Variants in PTH1R observed in about 807,000 individuals in gnomAD.
PTH1R encodes the protein parathyroid hormone/parathyroid hormone-related peptide receptor.
In PTH1R, 32 loss-of-function variants were observed where a neutral mutation model predicts 70.7. The observed-to-expected ratio is 0.45, with a 90% CI of 0.34 to 0.61. PTH1R has a LOEUF of 0.61. Ranked by LOEUF, PTH1R falls within the 20% of genes least tolerant of loss-of-function variation. The pLI, the probability that PTH1R is intolerant of heterozygous loss-of-function variation, is 0.01. For synonymous variants in PTH1R, 329 were observed against 324.8 expected (o/e 1.01, Z -0.14); for missense variants, 626 against 792.5 (o/e 0.79, Z 2.52).
In PTH1R at chr3:46,903,209, G is replaced by C; in HGVS notation, c.1396-61G>C. The C allele has an allele frequency of 6.2e-7, 1 of 1,602,672 alleles. No homozygotes were observed. Among genetic ancestry groups the C allele is most frequent in the Non-Finnish European group, 8.5e-7 (1 of 1,176,252 alleles). On this transcript the variant is annotated intron_variant, in intron 15 of 15. Coordinates refer to ENST00000449590, the MANE Select transcript of PTH1R (RefSeq NM_000316.3). This position sits in a 1 kb window ranked among gnomAD's most constrained non-coding sequence, Gnocchi z 4.4. The stretch of plus-strand genomic sequence containing the variant: ...ATTCCGTGCTGGGTGTCCAGGGGCC[G>C]GGATGGGGCATCGCTGGGGTTGGGA...
chr3:46,889,991 C>G (rs896076301), intron 3 of PTH1R, among the ~76,000 whole-genome samples: 7 of 152,136 alleles, frequency 4.6e-5, no homozygotes, highest in Non-Finnish European at 1.0e-4. Flanking sequence ...AGAAGAGATA[C>G]AGCTGTCAGC....
In PTH1R at chr3:46,903,195, G is replaced by C. The variant is rs2107067034; in HGVS notation, c.1396-75G>C. On this transcript the variant is annotated intron_variant, in intron 15 of 15. Transcript: ENST00000449590. This position sits in a 1 kb window ranked among gnomAD's most constrained non-coding sequence, Gnocchi z 4.4. ...CTATTCCCATTTTCATTCCGTGCTG[G>C]GTGTCCAGGGGCCGGGATGGGGCAT... 1 of 1,589,632 alleles carries C rather than the reference G, an allele frequency of 6.3e-7. No homozygotes were observed. The highest frequency in any genetic ancestry group is 1.3e-5 in the African/African-American group (1 of 74,250).
chr3:46,894,896 TA>T (rs1000733669), intron 4 of PTH1R, among the ~76,000 whole-genome samples: 37 of 148,530 alleles, frequency 2.5e-4, no homozygotes, highest in African/African-American at 6.9e-4. Context: ...ACCCCATCTC[TA>T]AAAAAAAAAT....
chr3:46,894,200 A>G (rs994633609), intron 4 of PTH1R, among the ~76,000 whole-genome samples, 191 bp downstream of exon 4: 3 of 152,110 alleles, frequency 2.0e-5, no homozygotes, highest in African/African-American at 7.2e-5. Context: ...TCGGGCATCC[A>G]TGGCTTGTCC....
rs899402687 is a variant in PTH1R at position 46,903,098 on chromosome 3, C to T, written c.1396-172C>T. 19 of 1,288,448 alleles carry T rather than the reference C, an allele frequency of 1.5e-5. No homozygotes were observed. Among genetic ancestry groups the T allele is most frequent in the Admixed American group, 6.0e-5 (3 of 50,222 alleles). 79.8% of individuals were successfully genotyped at this position (1,288,448 alleles called of 1,614,324 possible). ...TGAGCCTTGTAGATTCTGGGTGTGT[C>T]GGCTGCCTGTAGCCAAACACCCTGT... On this transcript the variant is annotated intron_variant, in intron 15 of 15. Transcript: ENST00000449590. This position sits in a 1 kb window ranked among gnomAD's most constrained non-coding sequence, Gnocchi z 4.4.
rs996851435 is a variant in PTH1R, at chr3:46,884,629, G to A, written c.75+995G>A. Among the ~76,000 whole-genome samples the A allele has an allele frequency of 1.3e-5, 2 of 152,154 alleles. No homozygotes were observed. The highest frequency in any genetic ancestry group is 2.9e-5 in the Non-Finnish European group (2 of 68,018). ...CCTAACTTCAAAGCCTCTTCTCCCT[G>A]CTCCCCAGTGGGGGTATCTGCCTGC... is the stretch of plus-strand genomic sequence containing the variant. On this transcript the variant is annotated intron_variant, in intron 3 of 15. Coordinates refer to ENST00000449590, the MANE Select transcript of PTH1R (RefSeq NM_000316.3). This position sits in a 1 kb window ranked among gnomAD's most constrained non-coding sequence, Gnocchi z 4.8.
chr3:46,880,005 C>T (rs1029242327), intron 1 of PTH1R, among the ~76,000 whole-genome samples: 4 of 152,152 alleles, frequency 2.6e-5, no homozygotes, highest in African/African-American at 9.7e-5. Flanking sequence ...CACCACTGCA[C>T]TCCAGCCTGG....
At position 46,883,089 on chromosome 3, in the gene PTH1R, C is replaced by A. The variant is rs1251115038; in HGVS notation, c.-48-423C>A. 9.4e-4 allele frequency among the ~76,000 whole-genome samples: 143 copies of A among 151,736 alleles called. No homozygotes were observed. The highest frequency in any genetic ancestry group is 2.4e-3 in the Admixed American group (36 of 15,280). ...GACCGCGACCCCGACCCCTCCCCCG[C>A]CCCCTCCCCCCACTGGGCGTGGGGC... is the stretch of plus-strand genomic sequence containing the variant. On this transcript the variant is annotated intron_variant, in intron 2 of 15. Coordinates refer to ENST00000449590, the MANE Select transcript of PTH1R (RefSeq NM_000316.3). The surrounding 1 kb of genome is among the most constrained non-coding windows in gnomAD (Gnocchi z 6.4).
intron 3 of PTH1R, among the ~76,000 whole-genome samples, chr3:46,887,134 G>A: frequency 6.6e-6 from 1 of 151,908 alleles, no homozygotes; most frequent in Non-Finnish European, 1.5e-5. Context: ...CAGCTTATTG[G>A]AAGGCTGAGG....
chr3:46,892,057 G>A lies in PTH1R; in HGVS notation c.76-1850G>A, dbSNP rs369611261. On this transcript the variant is annotated intron_variant, in intron 3 of 15. Coordinates refer to ENST00000449590, the MANE Select transcript of PTH1R (RefSeq NM_000316.3). This position sits in a 1 kb window ranked among gnomAD's most constrained non-coding sequence, Gnocchi z 5.2. ...CCCTGGATCCTGGCAAGTCCAACTT[G>A]TCCTCCCTTAAGCCATCCCATCATT... is the stretch of plus-strand genomic sequence containing the variant. Among the ~76,000 whole-genome samples the A allele has an allele frequency of 6.6e-5, 10 of 152,202 alleles. No homozygotes were observed. Among genetic ancestry groups the A allele is most frequent in the African/African-American group, 2.2e-4 (9 of 41,522 alleles).
At position 46,881,112 on chromosome 3, in the gene PTH1R, A is replaced by C. The variant is rs1306951740; in HGVS notation, c.-55A>C. The C allele has an allele frequency of 1.3e-5, 2 of 152,300 alleles. No homozygotes were observed. Among genetic ancestry groups the C allele is most frequent in the East Asian group, 3.9e-4 (2 of 5,190 alleles). The allele number at this position is 152,300 out of a possible 1,614,324, so 9.4% of individuals were successfully genotyped here. A position where few individuals can be genotyped will look rare whatever the true frequency, so the allele number is the denominator to read the frequency against. ...CGAAGAGTGGTAGTGTCCAGGACAC[A>C]CAACTGGTAAGCGGGCAAGCACAGG... is the stretch of plus-strand genomic sequence containing the variant. On this transcript the variant is annotated 5_prime_UTR_variant, in exon 2 of 16. Coordinates refer to ENST00000449590, the MANE Select transcript of PTH1R (RefSeq NM_000316.3).
rs139017205 is a variant in PTH1R, at chr3:46,898,176, A to G, written c.527A>G (p.Asn176Ser). 3.7e-5 allele frequency: 60 copies of G among 1,613,982 alleles called. 1 individual carries two copies. The Middle Eastern group carries it at 4.9e-4, about 13-fold the overall frequency. Residue 176 changes from asparagine to serine, a missense_variant, in exon 7 of 16, where the codon AAT (asparagine) becomes AGT (serine). This residue lies in a region of PTH1R where 495 missense variants were observed against 638.7 expected (regional missense o/e 0.77). Coordinates refer to ENST00000449590, the MANE Select transcript of PTH1R (RefSeq NM_000316.3). ...NYSECVKFLTNETREREVFDR... is the reference protein window; with the variant it reads ...NYSECVKFLTSETREREVFDR... ...AGCGAGTGTGTCAAATTTCTCACCAATGAGACTCGTGAACGGGTGCGAGCC... is the reference window on the plus strand; with the variant it reads ...AGCGAGTGTGTCAAATTTCTCACCAGTGAGACTCGTGAACGGGTGCGAGCC...
intron 3 of PTH1R, among the ~76,000 whole-genome samples, chr3:46,885,405 A>G (rs1484070801): frequency 6.6e-6 from 1 of 152,156 alleles, no homozygotes; most frequent in Admixed American, 6.5e-5. Context: ...CACGTACATT[A>G]GCTAGTCTAA....
rs1426137186 is a variant in PTH1R, at chr3:46,901,809, C to T, written c.1160C>T (p.Thr387Ile). The T allele has an allele frequency of 2.5e-6, 4 of 1,614,016 alleles. No homozygotes were observed. The highest frequency in any genetic ancestry group is 3.4e-6 in the Non-Finnish European group (4 of 1,180,026). The change falls in exon 13 of 16, where the codon ACC becomes ATC. Residue 387 changes from threonine (T) to isoleucine (I), a missense_variant. Physicochemically the swap from Thr to Ile is moderately conservative, Grantham distance 89. This residue lies in a region of PTH1R where 495 missense variants were observed against 638.7 expected (regional missense o/e 0.77). Coordinates refer to ENST00000449590, the MANE Select transcript of PTH1R (RefSeq NM_000316.3). The surrounding 1 kb of genome is among the most constrained non-coding windows in gnomAD (Gnocchi z 7.3). ...ATCAATATCGTCCGGGTGCTCGCCA[C>T]CAAGCTGCGGGAGACCAACGCCGGC... The part of the protein sequence containing the change: ...LFINIVRVLA[T>I]KLRETNAGRC...
chr3:46,885,373 C>T (rs1014285922), intron 3 of PTH1R, among the ~76,000 whole-genome samples: 3 of 152,184 alleles, frequency 2.0e-5, no homozygotes, highest in African/African-American at 7.2e-5. Context: ...GGGCTTTCTA[C>T]TTGCCATTGT....
rs201343896 is a variant in PTH1R at position 46,902,744 on chromosome 3, C to G, written c.1354-5C>G. ...AGGCCTGATTCGAGACACCCCTCTT[C>G]ACAGGGATTTTTTGTCGCAATCATA... On this transcript the variant is annotated splice_region_variant and splice_polypyrimidine_tract_variant and intron_variant, in intron 14 of 15. Transcript: ENST00000449590. The surrounding 1 kb of genome is among the most constrained non-coding windows in gnomAD (Gnocchi z 5.4). The G allele has an allele frequency of 6.2e-7, 1 of 1,613,956 alleles. No individual in the cohort carries two copies. The highest frequency in any genetic ancestry group is 1.1e-5 in the South Asian group (1 of 91,078).
intron 3 of PTH1R, among the ~76,000 whole-genome samples, chr3:46,888,954 C>T (rs920125965): frequency 1.3e-5 from 2 of 152,000 alleles, no homozygotes; most frequent in African/African-American, 2.4e-5. Flanking sequence ...GAAAGCCTGG[C>T]GAAGGGGAGG....
At chr3:46,880,560 T>G (rs966973528) in intron 1 of PTH1R, among the ~76,000 whole-genome samples, 11 of 152,012 alleles carry the variant, frequency 7.2e-5, no homozygotes, top group Non-Finnish European at 1.2e-4. Context: ...GTCAACATGG[T>G]GAAACCCCGT....
chr3:46,900,994 T>C lies in PTH1R; in HGVS notation c.989-31T>C, dbSNP rs200598154. 1.9e-6 allele frequency: 3 copies of C among 1,567,142 alleles called. No homozygotes were observed. The East Asian group carries it at 7.0e-5, about 36-fold the overall frequency. On this transcript the variant is annotated intron_variant, in intron 10 of 15. Transcript: ENST00000449590. ...ATGACCTTGTGGACAGCAGCCACAG[T>C]CCTGCACACTGTCCCCCTCTGTGCC...
Sources: gnomAD v4.1 joint callset for allele counts (sites outside exome capture counted in the v4.1 genomes callset) on GRCh38, gnomAD v4.1.1 for gene constraint, gnomAD v4.1.1 regional missense constraint, Gnocchi (gnomAD v3.1) non-coding constraint, MANE v1.5 for transcripts, NCBI Gene and HGNC (gene_info 2026-07-23, HGNC 2026-07-21) for gene names.